Variants in GRIK2 observed in about 807,000 individuals in gnomAD.
GRIK2 encodes the protein glutamate receptor ionotropic, kainate 2.
Under a neutral mutation model 100.3 loss-of-function variants are expected in GRIK2, and 32 were observed. The observed-to-expected ratio is 0.32, with a 90% confidence interval of 0.24 to 0.43. The LOEUF (loss-of-function observed/expected upper bound fraction) is 0.43, where lower values mean the gene tolerates loss of function less well. Ranked by LOEUF, GRIK2 falls within the 20% of genes least tolerant of loss-of-function variation. GRIK2 has a pLI of 1.00. For missense variants in GRIK2, 843 were observed against 1,114.9 expected (o/e 0.76, Z 3.47); for synonymous variants, 417 against 389.4 (o/e 1.07, Z -0.83).
At chr6:101,687,282 A>T (rs1771765065) in intron 7 of GRIK2, among the ~76,000 whole-genome samples, 3 of 151,942 alleles carry the variant, frequency 2.0e-5, no homozygotes, top group Non-Finnish European at 4.4e-5. Flanking sequence ...AAAATTATAA[A>T]TGCCTGATGT....
chr6:102,030,560 G>T (rs1769933366), intron 14 of GRIK2, among the ~76,000 whole-genome samples: 1 of 151,072 alleles, frequency 6.6e-6, no homozygotes, highest in Admixed American at 6.6e-5. Context: ...CATATCCAAA[G>T]GAAATTATTC....
chr6:101,555,665 G>A (rs1183694713), intron 2 of GRIK2, among the ~76,000 whole-genome samples: 1 of 152,108 alleles, frequency 6.6e-6, no homozygotes, highest in East Asian at 1.9e-4. Context: ...AATGTTTGTA[G>A]AAATTTTAAA....
intron 16 of GRIK2, among the ~76,000 whole-genome samples, chr6:102,059,097 A>G (rs2114516341): frequency 6.6e-6 from 1 of 151,394 alleles, no homozygotes; most frequent in South Asian, 2.1e-4. Flanking sequence ...TTGTTGGATA[A>G]AGATTAATAT....
At chr6:101,518,576 C>A (rs1025000462) in intron 2 of GRIK2, among the ~76,000 whole-genome samples, 1 of 151,996 alleles carries the variant, frequency 6.6e-6, no homozygotes, top group Non-Finnish European at 1.5e-5. Context: ...TTAAAGGTAC[C>A]AAATAGCATG....
intron 16 of GRIK2, among the ~76,000 whole-genome samples, chr6:102,065,024 T>C (rs1771946456): frequency 1.3e-5 from 2 of 151,250 alleles, no homozygotes; most frequent in Admixed American, 1.3e-4. Context: ...CTTACATTGA[T>C]AAATAACAAA....
chr6:101,541,597 T>G (rs1390896437), intron 2 of GRIK2, among the ~76,000 whole-genome samples: 1 of 152,012 alleles, frequency 6.6e-6, no homozygotes, highest in Admixed American at 6.6e-5. Context: ...GTTTCCAGCC[T>G]CTCCCACATC....
At chr6:101,451,662 C>A (rs548880510) in intron 2 of GRIK2, among the ~76,000 whole-genome samples, 26 of 140,518 alleles carry the variant, frequency 1.9e-4, no homozygotes, top group South Asian at 9.1e-4. Flanking sequence ...GAACAAATTA[C>A]TAACTTTTCT....
intron 2 of GRIK2, among the ~76,000 whole-genome samples, chr6:101,519,300 CGTGTGTGTGTGTGTGTGTGTGTGTGT>C (rs55646921): frequency 2.8e-5 from 4 of 141,064 alleles, no homozygotes; most frequent in Admixed American, 1.4e-4. Context: ...CGGAGTTAAA[CGTGTGTGTGTGTGTGTGTGTGTGTGT>C]GTGTGTGTGT....
At chr6:101,985,303 ATTCT>A (rs1282172185) in intron 14 of GRIK2, among the ~76,000 whole-genome samples, 1 of 151,784 alleles carries the variant, frequency 6.6e-6, no homozygotes, top group Non-Finnish European at 1.5e-5. Context: ...AACTTTGTTT[ATTCT>A]TTCTAACTAG....
intron 2 of GRIK2, among the ~76,000 whole-genome samples, chr6:101,502,832 C>T (rs1773833283): frequency 6.6e-6 from 1 of 152,082 alleles, no homozygotes; most frequent in South Asian, 2.1e-4. Flanking sequence ...CATTCTAGTT[C>T]AGGGTTTTCA....
At chr6:101,768,650 A>G (rs1283388303) in intron 7 of GRIK2, among the ~76,000 whole-genome samples, 1 of 152,048 alleles carries the variant, frequency 6.6e-6, no homozygotes, top group Non-Finnish European at 1.5e-5. Context: ...TGCCTAAATC[A>G]TATTGTTTAG....
chr6:101,762,561 G>T (rs1257061179), intron 7 of GRIK2, among the ~76,000 whole-genome samples: 1 of 151,924 alleles, frequency 6.6e-6, no homozygotes, highest in Non-Finnish European at 1.5e-5. Context: ...TTAAAATTAG[G>T]TTCTTCCTAA....
rs137967527 is a variant in GRIK2 at position 101,556,229 on chromosome 6, G to A, written c.116-65720G>A. The stretch of plus-strand genomic sequence containing the variant: ...GAACATGTAATCTTATTGAGTTTTC[G>A]TAGGGTTATTAGCAGATTTCACTAA... On this transcript the variant is annotated intron_variant, in intron 2 of 16. Coordinates refer to ENST00000369134, the MANE Select transcript of GRIK2 (RefSeq NM_021956.5). 3.2e-3 allele frequency among the ~76,000 whole-genome samples: 477 copies of A among 149,060 alleles called. 3 individuals are homozygous for A. The highest frequency in any genetic ancestry group is 0.026 in the South Asian group (121 of 4,724).
intron 7 of GRIK2, among the ~76,000 whole-genome samples, chr6:101,758,516 A>G (rs550348010): frequency 6.6e-6 from 1 of 152,324 alleles, no homozygotes; most frequent in East Asian, 1.9e-4. Flanking sequence ...AGATACTCCA[A>G]TGTTGAAAGC....
chr6:102,012,506 C>A (rs1230815126), intron 14 of GRIK2, among the ~76,000 whole-genome samples: 1 of 151,864 alleles, frequency 6.6e-6, no homozygotes, highest in Non-Finnish European at 1.5e-5. Context: ...TTATTTGATT[C>A]TTTTTTTTGA....
chr6:101,994,552 T>C (rs895485006), intron 14 of GRIK2, among the ~76,000 whole-genome samples: 7 of 151,920 alleles, frequency 4.6e-5, no homozygotes, highest in Admixed American at 3.3e-4. Flanking sequence ...CTCACAATAA[T>C]CTTGGAAATT....
intron 14 of GRIK2, among the ~76,000 whole-genome samples, chr6:102,007,076 A>G (rs551891358): frequency 7.9e-5 from 12 of 152,218 alleles, no homozygotes; most frequent in African/African-American, 2.9e-4. Flanking sequence ...ACAATTGTAA[A>G]CAAAACGTAT....
At chr6:101,524,793 G>A (rs907834886) in intron 2 of GRIK2, among the ~76,000 whole-genome samples, 2 of 150,010 alleles carry the variant, frequency 1.3e-5, no homozygotes, top group African/African-American at 2.5e-5. Context: ...GTGCAATGGC[G>A]TGATCTTGGC....
chr6:101,967,621 G>A (rs1459325987), intron 14 of GRIK2, among the ~76,000 whole-genome samples: 5 of 151,968 alleles, frequency 3.3e-5, no homozygotes, highest in South Asian at 4.1e-4. Flanking sequence ...AAGTGAACAC[G>A]AAAACCCAAC....
Sources: allele counts gnomAD v4.1 joint callset (sites outside exome capture counted in the v4.1 genomes callset), GRCh38; gene constraint gnomAD v4.1.1; transcripts MANE v1.5; gene names NCBI Gene and HGNC (gene_info 2026-07-23, HGNC 2026-07-21).